Variants in BEND6 observed in about 807,000 individuals in gnomAD.
BEND6 encodes the protein BEN domain containing 6.
In BEND6, 24 loss-of-function variants were observed where a neutral mutation model predicts 31.8. The ratio of observed to expected loss-of-function variants is 0.75; its 90% confidence interval spans 0.55 to 1.06. BEND6 has a LOEUF of 1.06. BEND6 is among the 50% of genes least tolerant of loss of function. BEND6 has a pLI of 0.00. For missense variants in BEND6, 294 were observed against 327.4 expected (o/e 0.90, Z 0.79); for synonymous variants, 109 against 114.6 (o/e 0.95, Z 0.31).
At chr6:56,965,878 G>C (rs1332866662) in intron 1 of BEND6, among the ~76,000 whole-genome samples, 3 of 151,750 alleles carry the variant, frequency 2.0e-5, no homozygotes, top group Non-Finnish European at 2.9e-5. Context: ...TTGCAAAATT[G>C]GTCCAAAAGT....
intron 1 of BEND6, among the ~76,000 whole-genome samples, chr6:56,965,401 A>C (rs567610876): frequency 6.6e-6 from 1 of 152,244 alleles, no homozygotes; most frequent in South Asian, 2.1e-4. Context: ...GTGAATGGTA[A>C]CCAGTTATTT....
chr6:57,011,729 A>AG (rs1164775985), intron 3 of BEND6, among the ~76,000 whole-genome samples: 5 of 147,892 alleles, frequency 3.4e-5, no homozygotes, highest in African/African-American at 5.0e-5. Context: ...AAAAAAAAAA[A>AG]AAAAAAGAAA....
chr6:56,988,103 G>A (rs1305243421), intron 2 of BEND6, among the ~76,000 whole-genome samples: 3 of 147,582 alleles, frequency 2.0e-5, no homozygotes, highest in East Asian at 2.0e-4. Context: ...TACAACCTCC[G>A]CCTCCTGGGT....
At chr6:56,978,111 AAAC>A (rs1046544094) in intron 1 of BEND6, among the ~76,000 whole-genome samples, 3 of 147,394 alleles carry the variant, frequency 2.0e-5, no homozygotes, top group African/African-American at 7.3e-5. Context: ...CAAAAACAAA[AAAC>A]AAAAAAAAAA....
intron 3 of BEND6, chr6:57,014,318 T>C: frequency 2.2e-6 from 1 of 447,218 alleles, no homozygotes; most frequent in Non-Finnish European, 4.0e-6. Context: ...TGTAGCTCAA[T>C]AATATGCTTA....
In BEND6 at chr6:57,017,241, A is replaced by T. The variant is rs373413355; in HGVS notation, c.554A>T (p.Asn185Ile). The T allele has an allele frequency of 2.2e-5, 35 of 1,562,012 alleles. No homozygotes were observed. Among genetic ancestry groups the T allele is most frequent in the Non-Finnish European group, 2.9e-5 (33 of 1,155,244 alleles). The change falls in exon 5 of 7, where the codon AAC (asparagine) becomes ATC (isoleucine). Residue 185 changes from asparagine to isoleucine, a missense_variant. Asn to Ile is a moderately radical substitution (Grantham distance 149, BLOSUM62 -3). Coordinates refer to ENST00000370746, the MANE Select transcript of BEND6 (RefSeq NM_152731.3). Reference protein sequence around the residue: ...QIEKWQIARCNKSKPQKFIND... With the variant: ...QIEKWQIARCIKSKPQKFIND... ...GAAAAATGGCAGATTGCCCGTTGTA[A>T]CAAGAGCAAGCCTCAGAAGTTTATT...
intron 1 of BEND6, among the ~76,000 whole-genome samples, chr6:56,978,215 C>A (rs983550152): frequency 6.6e-5 from 10 of 151,996 alleles, no homozygotes; most frequent in Non-Finnish European, 1.0e-4. Flanking sequence ...CCCAGGACTT[C>A]AAGGCTGCAG....
chr6:57,011,356 A>G (rs1827334914), intron 3 of BEND6, among the ~76,000 whole-genome samples: 1 of 152,222 alleles, frequency 6.6e-6, no homozygotes, highest in South Asian at 2.1e-4. Flanking sequence ...TTATGCTCTC[A>G]GGAATTTATA....
At chr6:56,976,667 C>T (rs924750163) in intron 1 of BEND6, among the ~76,000 whole-genome samples, 7 of 152,082 alleles carry the variant, frequency 4.6e-5, no homozygotes, top group Admixed American at 2.0e-4. Context: ...TGGGTTCAAG[C>T]GATTCCCCTG....
chr6:57,021,194 A>C lies in BEND6; in HGVS notation c.*9+2637A>C, dbSNP rs1827731085. The stretch of plus-strand genomic sequence containing the variant: ...TCATTTTAAGTATGGTTGAATTCAA[A>C]TTATTGCAAAAAGGACTGAGGAAAA... On this transcript the variant is annotated intron_variant, in intron 6 of 6. Coordinates refer to ENST00000370746, the MANE Select transcript of BEND6 (RefSeq NM_152731.3). Among the ~76,000 whole-genome samples, 3 of 152,328 alleles carry C rather than the reference A, an allele frequency of 2.0e-5. No homozygotes were observed. In the South Asian group the frequency reaches 6.2e-4, roughly 32 times the overall value.
At chr6:56,982,419 C>T (rs888990947) in intron 2 of BEND6, among the ~76,000 whole-genome samples, 9 of 152,112 alleles carry the variant, frequency 5.9e-5, no homozygotes, top group Admixed American at 5.9e-4. Context: ...TCTTTTTAGA[C>T]CCCAGTTTGT....
At chr6:56,973,836 C>T (rs746468704) in intron 1 of BEND6, among the ~76,000 whole-genome samples, 61 of 152,316 alleles carry the variant, frequency 4.0e-4, no homozygotes, top group Non-Finnish European at 5.1e-4. Flanking sequence ...CTCTCCACAG[C>T]CTCAGCTTCC....
intron 3 of BEND6, among the ~76,000 whole-genome samples, chr6:56,992,840 C>T (rs1826560201): frequency 6.6e-6 from 1 of 152,126 alleles, no homozygotes; most frequent in Non-Finnish European, 1.5e-5. Context: ...TTAATATACA[C>T]GACTCACAGT....
At chr6:57,007,363 G>C (rs1015595776) in intron 3 of BEND6, among the ~76,000 whole-genome samples, 1 of 150,294 alleles carries the variant, frequency 6.7e-6, no homozygotes, top group African/African-American at 2.4e-5. Context: ...CCCACCTCTC[G>C]TCCTATGCAA....
intron 1 of BEND6, among the ~76,000 whole-genome samples, chr6:56,976,309 C>CCTCAGCCTCCCGAGTAGCTG (rs990044199): frequency 6.6e-6 from 1 of 150,816 alleles, no homozygotes; most frequent in African/African-American, 2.4e-5. Flanking sequence ...CATTCTCCTT[C>CCTCAGCCTCCCGAGTAGCTG]CTCAGCCTCC....
chr6:56,960,013 A>G (rs1038808701), intron 1 of BEND6, among the ~76,000 whole-genome samples: 3 of 152,204 alleles, frequency 2.0e-5, no homozygotes, highest in African/African-American at 7.2e-5. Context: ...TAAAAACATC[A>G]ATATAATTGA....
At chr6:56,958,178 G>C (rs949087176) in intron 1 of BEND6, among the ~76,000 whole-genome samples, 3 of 152,178 alleles carry the variant, frequency 2.0e-5, no homozygotes, top group African/African-American at 7.2e-5. Flanking sequence ...GCCCATGTGT[G>C]AGAAGGGAAT....
chr6:56,967,542 C>T (rs1390210853), intron 1 of BEND6, among the ~76,000 whole-genome samples: 3 of 152,132 alleles, frequency 2.0e-5, no homozygotes, highest in Non-Finnish European at 4.4e-5. Flanking sequence ...GGAGCCCAAA[C>T]AGGTCAAACT....
intron 2 of BEND6, among the ~76,000 whole-genome samples, chr6:56,985,924 A>T (rs1826251844): frequency 6.6e-6 from 1 of 152,134 alleles, no homozygotes; most frequent in African/African-American, 2.4e-5. Context: ...GTGTCTGTTA[A>T]CTTCATTTCC....
Sources: allele counts gnomAD v4.1 joint callset (sites outside exome capture counted in the v4.1 genomes callset), GRCh38; gene constraint gnomAD v4.1.1; transcripts MANE v1.5; gene names NCBI Gene and HGNC (gene_info 2026-07-23, HGNC 2026-07-21).